Variants in COL24A1 observed in about 807,000 individuals in gnomAD.
The protein encoded by COL24A1 is collagen type XXIV alpha 1 chain.
In COL24A1, 224 loss-of-function variants were observed where a neutral mutation model predicts 253.9. That is an observed-to-expected ratio of 0.88 (90% CI 0.79 to 0.99). The LOEUF (loss-of-function observed/expected upper bound fraction) is 0.99. Ranked by LOEUF, COL24A1 falls within the 50% of genes least tolerant of loss-of-function variation. COL24A1 has a pLI of 0.00. For synonymous variants in COL24A1, 685 were observed against 673.7 expected (o/e 1.02, Z -0.26); for missense variants, 2,131 against 2,068.5 (o/e 1.03, Z -0.59).
intron 57 of COL24A1, 92 bp downstream of exon 57, chr1:85,744,574 T>C (rs1440299292): frequency 9.1e-7 from 1 of 1,103,850 alleles, no homozygotes; most frequent in African/African-American, 1.6e-5. Context: ...TCAAACTAAC[T>C]ATGATTTGGA....
intron 20 of COL24A1, among the ~76,000 whole-genome samples, chr1:85,974,575 G>T (rs1253146553): frequency 1.3e-5 from 2 of 152,080 alleles, no homozygotes; most frequent in Non-Finnish European, 1.5e-5. Context: ...GATGGTAAAA[G>T]CATGGCAAAA....
intron 19 of COL24A1, among the ~76,000 whole-genome samples, chr1:85,988,032 A>T (rs1165785948): frequency 6.6e-6 from 1 of 151,818 alleles, no homozygotes; most frequent in Non-Finnish European, 1.5e-5. Flanking sequence ...TGTTGGACTC[A>T]CTATTTACTA....
chr1:86,153,014 C>T (rs1039572998), intron 1 of COL24A1, among the ~76,000 whole-genome samples: 1 of 152,170 alleles, frequency 6.6e-6, no homozygotes, highest in Non-Finnish European at 1.5e-5. Flanking sequence ...AGCTCCAGCT[C>T]CAGTCACTGC....
chr1:85,832,973 A>G (rs574618615), intron 43 of COL24A1, among the ~76,000 whole-genome samples: 20 of 151,504 alleles, frequency 1.3e-4, no homozygotes, highest in African/African-American at 4.6e-4. Flanking sequence ...GTTGAATAGG[A>G]GTGGTGAGAG....
chr1:85,979,538 T>C (rs1693031748), intron 20 of COL24A1, among the ~76,000 whole-genome samples: 1 of 151,980 alleles, frequency 6.6e-6, no homozygotes, highest in Non-Finnish European at 1.5e-5. Flanking sequence ...AAAAGATCAT[T>C]CAGCCTACTA....
intron 19 of COL24A1, among the ~76,000 whole-genome samples, chr1:85,997,768 A>G (rs980619194): frequency 2.0e-5 from 3 of 151,436 alleles, no homozygotes; most frequent in Non-Finnish European, 4.4e-5. Flanking sequence ...CTACAGAAAA[A>G]AAAAAAAAAA....
intron 45 of COL24A1, among the ~76,000 whole-genome samples, chr1:85,820,350 T>G (rs1226762485): frequency 6.6e-6 from 1 of 152,098 alleles, no homozygotes; most frequent in African/African-American, 2.4e-5. Context: ...GTACCCTGTA[T>G]GGTGTGGGGA....
chr1:85,956,548 T>C, intron 24 of COL24A1, among the ~76,000 whole-genome samples: 1 of 152,172 alleles, frequency 6.6e-6, no homozygotes, highest in Non-Finnish European at 1.5e-5. Context: ...AAAGGAATAA[T>C]TGTGGTAAAT....
At chr1:85,940,796 G>A (rs1316272874) in intron 24 of COL24A1, among the ~76,000 whole-genome samples, 2 of 152,160 alleles carry the variant, frequency 1.3e-5, no homozygotes, top group African/African-American at 4.8e-5. Flanking sequence ...GGAAGGTCTG[G>A]CAGTGATCAA....
At chr1:85,833,430 C>T (rs1675593124) in intron 43 of COL24A1, among the ~76,000 whole-genome samples, 1 of 152,146 alleles carries the variant, frequency 6.6e-6, no homozygotes, top group Non-Finnish European at 1.5e-5. Flanking sequence ...CATCTCACAC[C>T]AGTTAGAATG....
At chr1:85,900,112 A>AATACAT (rs548724287) in intron 28 of COL24A1, among the ~76,000 whole-genome samples, 278 of 152,310 alleles carry the variant, frequency 1.8e-3, no homozygotes, top group African/African-American at 6.4e-3. Flanking sequence ...AAAATTAAGG[A>AATACAT]ATACATATAG....
chr1:85,761,305 C>T, intron 55 of COL24A1, 91 bp downstream of exon 55: 1 of 1,431,042 alleles, frequency 7.0e-7, no homozygotes, highest in Middle Eastern at 2.4e-4. Flanking sequence ...AAAAGGGATA[C>T]CTTTTAATAG....
intron 24 of COL24A1, among the ~76,000 whole-genome samples, chr1:85,952,355 G>C (rs1006198255): frequency 6.6e-6 from 1 of 152,090 alleles, no homozygotes; most frequent in Non-Finnish European, 1.5e-5. Context: ...TTCCATAAAA[G>C]TATTTTAGAC....
At chr1:85,821,047 T>C (rs1673577237) in intron 45 of COL24A1, among the ~76,000 whole-genome samples, 1 of 152,210 alleles carries the variant, frequency 6.6e-6, no homozygotes, top group Non-Finnish European at 1.5e-5. Flanking sequence ...AAATTATTCT[T>C]TCTTTTTTCA....
intron 7 of COL24A1, among the ~76,000 whole-genome samples, chr1:86,085,764 T>G (rs1185295857): frequency 1.3e-5 from 2 of 152,134 alleles, no homozygotes; most frequent in Non-Finnish European, 2.9e-5. Context: ...AAGAGTTACA[T>G]GAAGGTAGCT....
intron 7 of COL24A1, among the ~76,000 whole-genome samples, chr1:86,064,196 C>T (rs1015919893): frequency 1.3e-5 from 2 of 152,036 alleles, no homozygotes; most frequent in Non-Finnish European, 2.9e-5. Flanking sequence ...GGATCATATC[C>T]AGGCAGTTCC....
chr1:85,814,743 GTTGT>G (rs1458066068), intron 47 of COL24A1, among the ~76,000 whole-genome samples: 3 of 152,120 alleles, frequency 2.0e-5, no homozygotes, highest in Non-Finnish European at 2.9e-5. Context: ...CTAGAAAGAA[GTTGT>G]TTGTCATAAT....
chr1:86,007,482 T>G (rs529938488), intron 19 of COL24A1, among the ~76,000 whole-genome samples: 1 of 152,254 alleles, frequency 6.6e-6, no homozygotes, highest in South Asian at 2.1e-4. Flanking sequence ...CCAAAGGAGT[T>G]GAAAATTTAT....
intron 18 of COL24A1, among the ~76,000 whole-genome samples, chr1:86,017,481 T>G (rs150466517): frequency 6.8e-4 from 103 of 152,302 alleles, no homozygotes; most frequent in African/African-American, 2.4e-3. Context: ...TATGTTTATA[T>G]GTGTTTCACA....
Sources: allele counts gnomAD v4.1 joint callset (sites outside exome capture counted in the v4.1 genomes callset), GRCh38; gene constraint gnomAD v4.1.1; transcripts MANE v1.5; gene names NCBI Gene and HGNC (gene_info 2026-07-23, HGNC 2026-07-21).